EFHC2: variants seen among roughly 807,000 people sequenced by gnomAD.
EFHC2 encodes the protein EF-hand domain-containing family member C2.
EFHC2 carries 18 observed loss-of-function variants against 52.7 expected under a neutral mutation model. The observed-to-expected ratio is 0.34, with a 90% CI of 0.24 to 0.51. The LOEUF is 0.51. Ranked by LOEUF, EFHC2 falls within the 20% of genes least tolerant of loss-of-function variation. The pLI is 0.97. For synonymous variants in EFHC2, 203 were observed against 204.1 expected (o/e 0.99, Z 0.04); for missense variants, 513 against 562.5 (o/e 0.91, Z 0.89).
At chrX:44,311,769 C>T (rs987926827) in intron 2 of EFHC2, among the ~76,000 whole-genome samples, 13 of 111,882 alleles carry the variant, frequency 1.2e-4, no homozygotes, top group African/African-American at 4.2e-4. Flanking sequence ...CACATTTTAG[C>T]CCTTAGGGAT....
At chrX:44,235,628 A>G (rs774707627) in intron 8 of EFHC2, among the ~76,000 whole-genome samples, 181 bp from the exon 9 acceptor site, 2 of 112,946 alleles carry the variant, frequency 1.8e-5, no homozygotes, top group African/African-American at 6.4e-5. Context: ...GAATTTTCTC[A>G]GTATATTAAG....
chrX:44,218,404 G>A (rs1286576719), intron 11 of EFHC2, among the ~76,000 whole-genome samples: 3 of 110,797 alleles, frequency 2.7e-5, no homozygotes, highest in Non-Finnish European at 5.7e-5. Flanking sequence ...AATTAAATAA[G>A]AATTTGAAAA....
chrX:44,195,956 C>T (rs373847737), intron 11 of EFHC2, among the ~76,000 whole-genome samples: 16 of 111,762 alleles, frequency 1.4e-4, no homozygotes, highest in Non-Finnish European at 2.6e-4. Context: ...ACTCTGTTGT[C>T]CAACTTAAGA....
chrX:44,309,780 G>A (rs2037932440), intron 2 of EFHC2: 2 of 989,512 alleles, frequency 2.0e-6, no homozygotes, highest in Non-Finnish European at 2.9e-6. Context: ...AAAAGAAGAT[G>A]CCTTCTACTG....
In EFHC2 at chrX:44,322,968, G is replaced by A. The variant is rs770170642; in HGVS notation, c.43-10212C>T. Among the ~76,000 whole-genome samples the A allele has an allele frequency of 1.4e-4, 15 of 110,342 alleles. No homozygotes were observed. The Middle Eastern group carries it at 0.014, about 102-fold the overall frequency. On this transcript the variant is annotated intron_variant, in intron 1 of 14. Coordinates refer to ENST00000420999, the MANE Select transcript of EFHC2 (RefSeq NM_025184.4). The stretch of plus-strand genomic sequence containing the variant: ...GTGGAGGTTGCAGTAAGCCGAGATC[G>A]CACCACTGCACTCCAGCCTGGGTGA...
intron 2 of EFHC2, among the ~76,000 whole-genome samples, chrX:44,282,476 C>A (rs1156529153): frequency 6.1e-4 from 60 of 98,917 alleles, no homozygotes; most frequent in African/African-American, 1.9e-3. Flanking sequence ...TTTAGCCTGG[C>A]ATGGTGGCAC....
intron 7 of EFHC2, among the ~76,000 whole-genome samples, chrX:44,245,216 A>G (rs1244339201): frequency 8.9e-6 from 1 of 111,836 alleles, no homozygotes; most frequent in Non-Finnish European, 1.9e-5. Flanking sequence ...ATGGCCAGAA[A>G]TGACTCCACA....
rs760902386 is a variant in EFHC2 at position 44,248,820 on chromosome X, G to C, written c.955C>G (p.Leu319Val). The C allele has an allele frequency of 4.1e-5, 49 of 1,206,172 alleles. No individual in the cohort carries two copies. In the African/African-American group the frequency reaches 8.2e-4, roughly 20 times the overall value. Residue 319 changes from leucine to valine, a missense_variant, in exon 6 of 15, where the codon CTG (leucine) becomes GTG (valine). By Grantham distance (32) the Leu-to-Val change is conservative (BLOSUM62 1). Transcript: ENST00000420999. ...DFIKNQADGYLFDRYKLGKVD... is the reference protein window; with the variant it reads ...DFIKNQADGYVFDRYKLGKVD... ...TTCCTTCCCTTATATCTATCGAACAGGTAGCCATCCGCTTGGTTCTTTATA... is the reference window on the plus strand; with the variant it reads ...TTCCTTCCCTTATATCTATCGAACACGTAGCCATCCGCTTGGTTCTTTATA...
chrX:44,317,166 T>C (rs1331580698), intron 1 of EFHC2, among the ~76,000 whole-genome samples: 1 of 111,642 alleles, frequency 9.0e-6, no homozygotes, highest in Non-Finnish European at 1.9e-5. Flanking sequence ...TTGGGTAGAA[T>C]GAGTAGGGAG....
intron 2 of EFHC2, among the ~76,000 whole-genome samples, chrX:44,296,882 C>T (rs755418046): frequency 5.4e-4 from 60 of 111,725 alleles, no homozygotes; most frequent in Non-Finnish European, 1.3e-4. Flanking sequence ...TTTTAGAACT[C>T]ACTGGGCTCA....
intron 11 of EFHC2, among the ~76,000 whole-genome samples, chrX:44,226,897 AAAAAG>A (rs1427719137): frequency 4.7e-5 from 5 of 107,049 alleles, no homozygotes; most frequent in African/African-American, 1.8e-4. Context: ...GTATAATAAA[AAAAAG>A]AAAAAGAAAA....
chrX:44,173,596 T>C (rs1000503423), intron 13 of EFHC2, among the ~76,000 whole-genome samples: 2 of 111,275 alleles, frequency 1.8e-5, no homozygotes, highest in African/African-American at 6.5e-5. Flanking sequence ...ATCTGATTAG[T>C]CTGAAGTTTC....
Position 44,331,661 on chromosome X carries a change from A to T in EFHC2, c.42+11886T>A, listed in dbSNP as rs183307601. Among the ~76,000 whole-genome samples, 11 of 112,359 alleles carry T rather than the reference A, an allele frequency of 9.8e-5. 1 individual carries two copies. In the East Asian group the frequency reaches 3.1e-3, roughly 32 times the overall value. ...GCTGGACACAGTAGCTCACACCTGT[A>T]ATCTCAACACTTCGGGGGGCCGAGG... On this transcript the variant is annotated intron_variant, in intron 1 of 14. Coordinates refer to ENST00000420999, the MANE Select transcript of EFHC2 (RefSeq NM_025184.4).
chrX:44,178,321 G>T (rs1373820536), intron 12 of EFHC2, 46 bp downstream of exon 12: 1 of 1,087,322 alleles, frequency 9.2e-7, no homozygotes, highest in Admixed American at 3.2e-5. Flanking sequence ...CATTACTCAG[G>T]TTCACAGAAA....
chrX:44,220,320 G>A (rs750551770), intron 11 of EFHC2, among the ~76,000 whole-genome samples: 1 of 111,705 alleles, frequency 9.0e-6, no homozygotes, highest in South Asian at 3.7e-4. Flanking sequence ...CACATGAGTG[G>A]GGTCCTGTGA....
At chrX:44,164,873 C>G (rs1383179834) in intron 13 of EFHC2, among the ~76,000 whole-genome samples, 2 of 111,544 alleles carry the variant, frequency 1.8e-5, no homozygotes, top group African/African-American at 6.5e-5. Flanking sequence ...TCTCTTTGAC[C>G]ACTATTTCCT....
chrX:44,289,738 A>G (rs1427312774), intron 2 of EFHC2, among the ~76,000 whole-genome samples: 2 of 94,758 alleles, frequency 2.1e-5, no homozygotes, highest in African/African-American at 8.3e-5. Flanking sequence ...CTGGAGTGCA[A>G]TGGCGCAATC....
chrX:44,340,752 A>G (rs2038147523), intron 1 of EFHC2, among the ~76,000 whole-genome samples: 1 of 112,402 alleles, frequency 8.9e-6, no homozygotes, highest in South Asian at 3.6e-4. Flanking sequence ...AGTACAGATT[A>G]TAACTACAAA....
chrX:44,152,159 G>C (rs1293531151), intron 14 of EFHC2, among the ~76,000 whole-genome samples: 1 of 111,440 alleles, frequency 9.0e-6, no homozygotes, highest in African/African-American at 3.3e-5. Flanking sequence ...AAATTTATTG[G>C]ATATTTACTA....
Sources: allele counts gnomAD v4.1 joint callset (sites outside exome capture counted in the v4.1 genomes callset), GRCh38; gene constraint gnomAD v4.1.1; transcripts MANE v1.5; gene names NCBI Gene and HGNC (gene_info 2026-07-23, HGNC 2026-07-21).